The following AGTPBP1 variants were observed in gnomAD, a reference collection of about 807,000 sequenced individuals.
The protein encoded by AGTPBP1 is cytosolic carboxypeptidase 1.
In AGTPBP1, 70 loss-of-function variants were observed where a neutral mutation model predicts 143.9. That is an observed-to-expected ratio of 0.49 (90% CI 0.40 to 0.59). The LOEUF (loss-of-function observed/expected upper bound fraction) is 0.59. AGTPBP1 is among the 20% of genes least tolerant of loss of function. The pLI, the probability that AGTPBP1 is intolerant of heterozygous loss-of-function variation, is 0.00. For missense variants in AGTPBP1, 1,229 were observed against 1,464.5 expected (o/e 0.84, Z 2.62); for synonymous variants, 463 against 500.2 (o/e 0.93, Z 0.99).
intron 25 of AGTPBP1, among the ~76,000 whole-genome samples, chr9:85,564,519 G>C (rs953845079): frequency 6.6e-6 from 1 of 152,222 alleles, no homozygotes; most frequent in Non-Finnish European, 1.5e-5. Context: ...ATATATGACA[G>C]TGGTCCCAAT....
chr9:85,645,008 T>C (rs995476468), intron 12 of AGTPBP1, among the ~76,000 whole-genome samples: 4 of 152,074 alleles, frequency 2.6e-5, no homozygotes, highest in African/African-American at 4.8e-5. Context: ...TAGTACAGTA[T>C]AGTGATAAAG....
At chr9:85,580,116 T>C (rs939899644) in intron 23 of AGTPBP1, among the ~76,000 whole-genome samples, 9 of 151,352 alleles carry the variant, frequency 5.9e-5, no homozygotes, top group Admixed American at 3.3e-4. Context: ...CAGGCCGCTG[T>C]AATCCCAGTT....
At chr9:85,620,883 T>G (rs932816014) in intron 15 of AGTPBP1, among the ~76,000 whole-genome samples, 1 of 152,176 alleles carries the variant, frequency 6.6e-6, no homozygotes, top group African/African-American at 2.4e-5. Flanking sequence ...ATATCCACTC[T>G]CCTAAGTGAA....
intron 3 of AGTPBP1, among the ~76,000 whole-genome samples, chr9:85,682,705 G>A (rs1217431577): frequency 1.3e-5 from 2 of 152,210 alleles, no homozygotes; most frequent in Non-Finnish European, 2.9e-5. Flanking sequence ...AGTCAAGGGA[G>A]TTTAAGAGAA....
At chr9:85,804,659 C>G in the AGTPBP1 span, among the ~76,000 whole-genome samples, 1 of 152,242 alleles carries the variant, frequency 6.6e-6, no homozygotes, top group East Asian at 1.9e-4. Flanking sequence ...TGGGTGCCGG[C>G]TCTGCCGTTT....
intron 2 of AGTPBP1, among the ~76,000 whole-genome samples, chr9:85,693,609 A>C (rs1351697657): frequency 1.3e-5 from 2 of 152,152 alleles, no homozygotes; most frequent in Non-Finnish European, 2.9e-5. Context: ...ACAACAACAA[A>C]AAAAATTGTA....
At chr9:85,745,688 A>C (rs980138276), upstream of AGTPBP1, among the ~76,000 whole-genome samples, 4 of 152,172 alleles carry the variant, frequency 2.6e-5, no homozygotes, top group Admixed American at 1.3e-4. Context: ...ATGATATATA[A>C]TTCGGGGTCA....
At chr9:85,725,670 GA>G (rs552155115) in intron 1 of AGTPBP1, among the ~76,000 whole-genome samples, 205 of 152,266 alleles carry the variant, frequency 1.3e-3, no homozygotes, top group Middle Eastern at 3.4e-3. Context: ...AGCACTTTGG[GA>G]GGCCAAGGTG....
intron 13 of AGTPBP1, 95 bp from the exon 14 acceptor site, chr9:85,633,469 T>G (rs1031025619): frequency 1.0e-6 from 1 of 1,002,618 alleles, no homozygotes; most frequent in Non-Finnish European, 1.3e-6. Context: ...CTTCAGAAAT[T>G]TTTGGAAATT....
At chr9:85,755,187 TG>T in the AGTPBP1 span, among the ~76,000 whole-genome samples, 10 of 152,164 alleles carry the variant, frequency 6.6e-5, no homozygotes, top group African/African-American at 2.4e-4. Context: ...ACTGTCTCAT[TG>T]TATGATAGAT....
chr9:85,711,752 G>T (rs1356545300), intron 2 of AGTPBP1, among the ~76,000 whole-genome samples: 1 of 151,934 alleles, frequency 6.6e-6, no homozygotes, highest in African/African-American at 2.4e-5. Context: ...AACTTTTTCT[G>T]TAAAGGGCCA....
At chr9:85,623,303 T>G (rs910155940) in intron 14 of AGTPBP1, among the ~76,000 whole-genome samples, 1 of 152,074 alleles carries the variant, frequency 6.6e-6, no homozygotes, top group African/African-American at 2.4e-5. Context: ...AAAATGCCAC[T>G]CTGCAAGTTA....
intron 3 of AGTPBP1, among the ~76,000 whole-genome samples, chr9:85,690,492 T>C (rs966304549): frequency 4.0e-4 from 61 of 152,050 alleles, no homozygotes; most frequent in African/African-American, 1.3e-3. Flanking sequence ...GAGGAGTATT[T>C]TCAGTGGTGG....
intron 13 of AGTPBP1, among the ~76,000 whole-genome samples, chr9:85,638,086 A>G (rs117309657): frequency 0.017 from 2,543 of 151,780 alleles, 25 homozygotes; most frequent in Middle Eastern, 0.054. Context: ...TAGAAAACCC[A>G]CTTGACGTTA....
the AGTPBP1 span, chr9:85,765,176 A>G: frequency 3.2e-6 from 1 of 312,184 alleles, no homozygotes; most frequent in South Asian, 4.1e-5. Context: ...GAAACTATTA[A>G]TTTCCTTGAG....
chr9:85,686,670 G>A (rs1835506312), intron 3 of AGTPBP1, among the ~76,000 whole-genome samples: 1 of 152,102 alleles, frequency 6.6e-6, no homozygotes, highest in African/African-American at 2.4e-5. Flanking sequence ...AACATAACAT[G>A]TAAATCAATA....
the AGTPBP1 span, among the ~76,000 whole-genome samples, chr9:85,791,875 G>A: frequency 6.6e-6 from 1 of 151,394 alleles, no homozygotes; most frequent in South Asian, 2.1e-4. Flanking sequence ...AATAGAAATT[G>A]TGGAGCCATT....
intron 2 of AGTPBP1, among the ~76,000 whole-genome samples, chr9:85,703,691 G>A (rs1197182159): frequency 6.6e-6 from 1 of 152,190 alleles, no homozygotes; most frequent in Non-Finnish European, 1.5e-5. Flanking sequence ...GAAACTTCCA[G>A]GTAGCAATAC....
chr9:85,616,524 G>A (rs1213634715), intron 17 of AGTPBP1, among the ~76,000 whole-genome samples: 2 of 151,832 alleles, frequency 1.3e-5, no homozygotes, highest in Admixed American at 1.3e-4. Flanking sequence ...AATATAGTTA[G>A]TAAAAATGCA....
Sources: gnomAD v4.1 joint callset for allele counts (sites outside exome capture counted in the v4.1 genomes callset) on GRCh38, gnomAD v4.1.1 for gene constraint, MANE v1.5 for transcripts, NCBI Gene and HGNC (gene_info 2026-07-23, HGNC 2026-07-21) for gene names.